The following PADI3 variants were observed in gnomAD, a reference collection of about 807,000 sequenced individuals.
PADI3 encodes protein-arginine deiminase type-3.
PADI3 carries 53 observed loss-of-function variants against 71.5 expected under a neutral mutation model. The ratio of observed to expected loss-of-function variants is 0.74; its 90% CI spans 0.59 to 0.93. The LOEUF is 0.93. PADI3 is among the 40% of genes least tolerant of loss of function. PADI3 has a pLI of 0.00. For missense variants in PADI3, 821 were observed against 868.0 expected (o/e 0.95, Z 0.68); for synonymous variants, 361 against 347.5 (o/e 1.04, Z -0.43).
intron 6 of PADI3, among the ~76,000 whole-genome samples, chr1:17,268,269 T>TC (rs1292408687): frequency 2.6e-5 from 4 of 152,188 alleles, no homozygotes; most frequent in African/African-American, 9.7e-5. Flanking sequence ...GTGCTGTGAA[T>TC]CCCCATGTGC....
chr1:17,281,724 A>T (rs2073403007), intron 15 of PADI3, among the ~76,000 whole-genome samples: 1 of 152,186 alleles, frequency 6.6e-6, no homozygotes, highest in African/African-American at 2.4e-5. Context: ...AAGTGCTGGG[A>T]TTACAGGCGG....
At chr1:17,272,212 G>A (rs1295154029) in intron 9 of PADI3, among the ~76,000 whole-genome samples, 5 of 152,208 alleles carry the variant, frequency 3.3e-5, no homozygotes, top group Non-Finnish European at 7.3e-5. Context: ...GGTCCTGGCA[G>A]AGACCGAGCA....
chr1:17,278,630 G>A (rs887555142), intron 13 of PADI3, among the ~76,000 whole-genome samples: 10 of 152,038 alleles, frequency 6.6e-5, no homozygotes, highest in Admixed American at 4.6e-4. Context: ...TGCTGGAAGC[G>A]TTCTCAAATT....
In PADI3 at chr1:17,282,956, G is replaced by A. The variant is rs747293693; in HGVS notation, c.1872G>A (p.Leu624=). 39 of 1,614,042 alleles carry A rather than the reference G, an allele frequency of 2.4e-5. No individual in the cohort carries two copies. In the Middle Eastern group the frequency reaches 8.2e-4, roughly 34 times the overall value. Residue 624 remains leucine (L), a synonymous_variant, in exon 16 of 16, where the codon CTG becomes CTA. Transcript: ENST00000375460. ...EEKVRSLLEP[L]GLHCTFIDDF... ...AGGTGCGGTCCCTGCTGGAGCCGCT[G>A]GGCCTCCACTGCACCTTCATTGATG...
Position 17,266,801 on chromosome 1 carries a change from A to G in PADI3, c.491A>G (p.Gln164Arg). Residue 164 changes from glutamine to arginine, a missense_variant, in exon 5 of 16, where the codon CAG becomes CGG. Coordinates refer to ENST00000375460, the MANE Select transcript of PADI3 (RefSeq NM_016233.2). ...CDRDDPSCDV[Q>R]DNCDQHVHCL... is the part of the protein sequence containing the mutation. Reference sequence around the variant, plus strand: ...CGTGATGATCCGAGCTGTGATGTCCAGGACAATTGTGACCAGCACGTGCAC... The same window carrying G: ...CGTGATGATCCGAGCTGTGATGTCCGGGACAATTGTGACCAGCACGTGCAC... 1 of 1,614,122 alleles carries G rather than the reference A, an allele frequency of 6.2e-7. No homozygotes were observed. Among genetic ancestry groups the G allele is most frequent in the Non-Finnish European group, 8.5e-7 (1 of 1,179,990 alleles).
At chr1:17,280,875 C>G in intron 15 of PADI3, 79 bp downstream of exon 15, 1 of 1,552,306 alleles carries the variant, frequency 6.4e-7, no homozygotes. Context: ...TGTCTGGTCA[C>G]AGTCATATTT....
At position 17,250,901 on chromosome 1, in the gene PADI3, A is replaced by G. The variant is rs558256642; in HGVS notation, c.92+1672A>G. Among the ~76,000 whole-genome samples the G allele has an allele frequency of 2.0e-5, 3 of 152,262 alleles. No individual in the cohort carries two copies. In the South Asian group the frequency reaches 6.2e-4, roughly 32 times the overall value. On this transcript the variant is annotated intron_variant, in intron 1 of 15. Transcript: ENST00000375460. ...AGGATGGATTGGGGCAATAAGAGAT[A>G]AAGGCCATAGCTTCCTGGAGTCACC...
At chr1:17,277,523 G>T (rs2073350717) in intron 13 of PADI3, among the ~76,000 whole-genome samples, 1 of 152,326 alleles carries the variant, frequency 6.6e-6, no homozygotes, top group Middle Eastern at 3.4e-3. Flanking sequence ...TGTTTTGTGA[G>T]GTCTGATGGA....
At position 17,249,232 on chromosome 1, in the gene PADI3, A is replaced by G; in HGVS notation, c.92+3A>G. On this transcript the variant is annotated splice_donor_region_variant and intron_variant, in intron 1 of 15. Coordinates refer to ENST00000375460, the MANE Select transcript of PADI3 (RefSeq NM_016233.2). ...GAGACCCTCGTGGACATTTATGGGT[A>G]AGAGTCAGAGGCCTAGTGGTTTGCA... 1.9e-6 allele frequency: 3 copies of G among 1,611,996 alleles called. No homozygotes were observed. The South Asian group carries it at 3.3e-5, about 18-fold the overall frequency.
rs377335510 is a variant in PADI3, at chr1:17,276,770, G to T, written c.1453-4G>T. The stretch of plus-strand genomic sequence containing the variant: ...GCTCAGCTGAATCTGTTCTCTGCAC[G>T]CAGGGCTTCCGGATGCTCCTGGCCA... On this transcript the variant is annotated splice_region_variant and splice_polypyrimidine_tract_variant and intron_variant, in intron 12 of 15. Coordinates refer to ENST00000375460, the MANE Select transcript of PADI3 (RefSeq NM_016233.2). The T allele has an allele frequency of 1.2e-6, 2 of 1,613,504 alleles. No individual in the cohort carries two copies. The highest frequency in any genetic ancestry group is 1.3e-5 in the African/African-American group (1 of 74,944).
At chr1:17,280,614 G>T in intron 14 of PADI3, 57 bp from the exon 15 acceptor site, 4 of 1,610,480 alleles carry the variant, frequency 2.5e-6, no homozygotes, top group Non-Finnish European at 3.4e-6. Flanking sequence ...GGATGCCTTG[G>T]TGCCCCCAAA....
intron 1 of PADI3, among the ~76,000 whole-genome samples, chr1:17,255,288 A>G (rs78144584): frequency 0.092 from 14,050 of 152,102 alleles, 691 homozygotes; most frequent in South Asian, 0.2. Context: ...ACCCTACCAC[A>G]TTTTACCCCC....
At chr1:17,263,901 T>A (rs1258467909) in intron 3 of PADI3, among the ~76,000 whole-genome samples, 1 of 152,160 alleles carries the variant, frequency 6.6e-6, no homozygotes, top group Admixed American at 6.5e-5. Flanking sequence ...GTTGTGGAGC[T>A]GGGAAACTCC....
intron 1 of PADI3, among the ~76,000 whole-genome samples, chr1:17,256,210 G>T (rs1201102651): frequency 1.3e-5 from 2 of 152,142 alleles, no homozygotes; most frequent in Non-Finnish European, 2.9e-5. Context: ...CCTGTCCTGG[G>T]CCAATGGTGT....
intron 4 of PADI3, among the ~76,000 whole-genome samples, chr1:17,266,009 C>T (rs1249690728): frequency 2.6e-5 from 4 of 152,160 alleles, no homozygotes; most frequent in Admixed American, 1.3e-4. Context: ...AAACTTTTTC[C>T]GTGAAAAGTC....
In PADI3 at chr1:17,266,712, T is replaced by C. The variant is rs373273666; in HGVS notation, c.409-7T>C. 3.7e-6 allele frequency: 6 copies of C among 1,612,170 alleles called. No individual in the cohort carries two copies. Among genetic ancestry groups the C allele is most frequent in the Middle Eastern group, 1.6e-4 (1 of 6,074 alleles). On this transcript the variant is annotated splice_polypyrimidine_tract_variant and splice_region_variant and intron_variant, in intron 4 of 15. Transcript: ENST00000375460. ...CCTCATCACTGGCTATGTTTTGTCA[T>C]TGGCAGCGGCAGTGGGTCTGGGGGC...
intron 2 of PADI3, 119 bp downstream of exon 2, chr1:17,259,877 C>T: frequency 1.3e-6 from 1 of 798,748 alleles, no homozygotes; most frequent in South Asian, 2.1e-5. Context: ...AAGTGCCTGG[C>T]CTTGGAGCCA....
chr1:17,273,419 T>C lies in PADI3; in HGVS notation c.1127T>C (p.Leu376Pro). Residue 376 changes from leucine (L) to proline (P), a missense_variant, in exon 10 of 16, where the codon CTG becomes CCG. Physicochemically the swap from Leu to Pro is moderately conservative, Grantham distance 98 (BLOSUM62 -3). Coordinates refer to ENST00000375460, the MANE Select transcript of PADI3 (RefSeq NM_016233.2). ...VVFDSPRNGE[L>P]QDFPYKRILG... ...TTTGACTCCCCAAGGAATGGGGAAC[T>C]GCAGGATTTCCCTTACAAAAGAATC... 1 of 1,612,980 alleles carries C rather than the reference T, an allele frequency of 6.2e-7. No homozygotes were observed. The highest frequency in any genetic ancestry group is 8.5e-7 in the Non-Finnish European group (1 of 1,179,196).
intron 1 of PADI3, among the ~76,000 whole-genome samples, chr1:17,255,403 C>A (rs1240516036): frequency 2.6e-5 from 4 of 152,146 alleles, no homozygotes; most frequent in Non-Finnish European, 4.4e-5. Flanking sequence ...TGCATGGAAG[C>A]CTCAGCGGCG....
Sources: allele counts gnomAD v4.1 joint callset (sites outside exome capture counted in the v4.1 genomes callset), GRCh38; gene constraint gnomAD v4.1.1; transcripts MANE v1.5; gene names NCBI Gene and HGNC (gene_info 2026-07-23, HGNC 2026-07-21).